RARS1: variants seen among roughly 807,000 people sequenced by gnomAD.
RARS1 encodes arginyl-tRNA synthetase 1.
In RARS1, 75 loss-of-function variants were observed where a neutral mutation model predicts 78.7. The ratio of observed to expected loss-of-function variants is 0.95; its 90% CI spans 0.79 to 1.15. The LOEUF (loss-of-function observed/expected upper bound fraction) is 1.15, where lower values mean the gene tolerates loss of function less well. Among genes scored for constraint, RARS1 ranks in the 50% most tolerant of loss-of-function variants. The pLI is 0.00. For synonymous variants in RARS1, 273 were observed against 268.2 expected (o/e 1.02, Z -0.18); for missense variants, 787 against 787.5 (o/e 1.00, Z 0.01).
intron 9 of RARS1, among the ~76,000 whole-genome samples, chr5:168,503,371 C>A (rs1758370137): frequency 6.6e-6 from 1 of 152,174 alleles, no homozygotes; most frequent in Non-Finnish European, 1.5e-5. Flanking sequence ...TCCTCAGGTA[C>A]AATTCATATA....
intron 6 of RARS1, 123 bp downstream of exon 6, chr5:168,495,559 GTTC>G (rs1758169367): frequency 2.9e-6 from 4 of 1,399,612 alleles, no homozygotes; most frequent in Admixed American, 4.7e-5. Flanking sequence ...CATCAGCTTA[GTTC>G]TTCTTTACAA....
rs1758213431 is a variant in RARS1, at chr5:168,497,225, T to C, written c.702-3T>C. On this transcript the variant is annotated splice_polypyrimidine_tract_variant and splice_region_variant and intron_variant, in intron 6 of 14. Coordinates refer to ENST00000231572, the MANE Select transcript of RARS1 (RefSeq NM_002887.4). ...TGATTATATATTCTCTGATTGGTGT[T>C]AGGTTAAATCATGTAGGAGACTGGG... The C allele has an allele frequency of 3.3e-6, 5 of 1,518,714 alleles. No homozygotes were observed. In the East Asian group the frequency reaches 1.2e-4, roughly 36 times the overall value. The allele number at this position is 1,518,714 out of a possible 1,614,324, so 94.1% of individuals were successfully genotyped here. A position where few individuals can be genotyped will look rare whatever the true frequency, so the allele number is the denominator to read the frequency against.
At chr5:168,494,121 A>G in intron 4 of RARS1, 119 bp downstream of exon 4, 1 of 1,259,776 alleles carries the variant, frequency 7.9e-7, no homozygotes, top group South Asian at 1.6e-5. Flanking sequence ...AAGATGGTGA[A>G]AGCACTGTGG....
At chr5:168,511,742 T>G (rs1006865307) in intron 12 of RARS1, among the ~76,000 whole-genome samples, 3 of 151,602 alleles carry the variant, frequency 2.0e-5, no homozygotes, top group African/African-American at 7.3e-5. Flanking sequence ...AATCAAGATA[T>G]ATTTCCATCA....
In RARS1 at chr5:168,488,611, A is replaced by G. The variant is rs1291032077; in HGVS notation, c.55A>G (p.Ile19Val). 5.6e-6 allele frequency: 9 copies of G among 1,604,974 alleles called. No homozygotes were observed. Among genetic ancestry groups the G allele is most frequent in the Non-Finnish European group, 6.8e-6 (8 of 1,177,994 alleles). Residue 19 changes from isoleucine to valine, a missense_variant, in exon 2 of 15, where the codon ATT becomes GTT. By Grantham distance (29) the Ile-to-Val change is conservative. Coordinates refer to ENST00000231572, the MANE Select transcript of RARS1 (RefSeq NM_002887.4). ...SARLLQQEEE[I>V]KSLTAEIDRL... ...GCTTTTTTTCCCACAGGAAGAAGAG[A>G]TTAAATCTCTGACTGCTGAAATTGA...
chr5:168,518,819 G>A (rs1316300856), intron 14 of RARS1, among the ~76,000 whole-genome samples: 1 of 152,146 alleles, frequency 6.6e-6, no homozygotes, highest in Non-Finnish European at 1.5e-5. Context: ...TTTTTTAAAA[G>A]AAAGGTAAAA....
chr5:168,487,819 C>CT (rs1758000734), intron 1 of RARS1, among the ~76,000 whole-genome samples: 1 of 152,154 alleles, frequency 6.6e-6, no homozygotes, highest in Admixed American at 6.5e-5. Flanking sequence ...CTGGTCTAGT[C>CT]TAGGACCTAA....
In RARS1 at chr5:168,494,279, G is replaced by A. The variant is rs1758138793; in HGVS notation, c.479-271G>A. On this transcript the variant is annotated intron_variant, in intron 4 of 14. Transcript: ENST00000231572. ...AATGGCAGATAAGTCTTCGGCACAA[G>A]GGCCTTCTGTTTTCTGTTAAGAGGC... 3.0e-6 allele frequency: 3 copies of A among 985,294 alleles called. No individual in the cohort carries two copies. In the African/African-American group the frequency reaches 5.2e-5, roughly 17 times the overall value. 61.0% of individuals were successfully genotyped at this position (985,294 alleles called of 1,614,324 possible).
intron 13 of RARS1, 132 bp downstream of exon 13, chr5:168,517,082 C>T (rs1758680827): frequency 9.8e-6 from 9 of 917,686 alleles, no homozygotes; most frequent in Admixed American, 4.9e-5. Flanking sequence ...CCTCAGCCTC[C>T]TGAGTAGCTG....
In RARS1 at chr5:168,494,653, AT is replaced by A. The variant is rs1758146913; in HGVS notation, c.579+4del. On this transcript the variant is annotated splice_donor_region_variant and intron_variant, in intron 5 of 14. Coordinates refer to ENST00000231572, the MANE Select transcript of RARS1 (RefSeq NM_002887.4). ...CTGCTCTGGGAGAGAATAAAAAGGTATATGTACACTCTTCTATTAATATATT... is the reference window on the plus strand; with the variant it reads ...CTGCTCTGGGAGAGAATAAAAAGGTAATGTACACTCTTCTATTAATATATT... The A allele has an allele frequency of 1.3e-6, 2 of 1,530,374 alleles. No individual in the cohort carries two copies. The highest frequency in any genetic ancestry group is 1.8e-6 in the Non-Finnish European group (2 of 1,104,394). 94.8% of individuals were successfully genotyped at this position (1,530,374 alleles called of 1,614,324 possible). A position where few individuals can be genotyped will look rare whatever the true frequency, so the allele number is the denominator to read the frequency against.
chr5:168,486,534 G>C lies in RARS1; in HGVS notation c.36G>C (p.Leu12=), dbSNP rs1272430190. 4.5e-6 allele frequency: 7 copies of C among 1,558,034 alleles called. No individual in the cohort carries two copies. In the Admixed American group the frequency reaches 1.4e-4, roughly 30 times the overall value. ...TGGTGTCTGAGTGCTCCGCGCGGCT[G>C]CTGCAGCAGGTTTGGACGCAGGAGA... ...DVLVSECSAR[L]LQQEEEIKSL... is the part of the protein sequence containing the mutation. Residue 12 remains leucine (L), a synonymous_variant, in exon 1 of 15, where the codon CTG becomes CTC. Coordinates refer to ENST00000231572, the MANE Select transcript of RARS1 (RefSeq NM_002887.4).
chr5:168,511,035 G>A (rs1016837684), intron 12 of RARS1, among the ~76,000 whole-genome samples: 2 of 152,052 alleles, frequency 1.3e-5, no homozygotes, highest in Non-Finnish European at 2.9e-5. Flanking sequence ...GCTCCTTCTT[G>A]GGAGCATTTG....
chr5:168,505,181 A>G (rs540034194), intron 9 of RARS1, among the ~76,000 whole-genome samples: 33 of 152,220 alleles, frequency 2.2e-4, no homozygotes, highest in South Asian at 1.5e-3. Context: ...CCAAGCCTCA[A>G]TTTTCTAAAC....
chr5:168,504,294 G>A (rs1381074337), intron 9 of RARS1, among the ~76,000 whole-genome samples: 1 of 151,978 alleles, frequency 6.6e-6, no homozygotes, highest in Non-Finnish European at 1.5e-5. Flanking sequence ...GGGAGGCCAA[G>A]GTGAGCGAAT....
At position 168,497,259 on chromosome 5, in the gene RARS1, T is replaced by G. The variant is rs1229491671; in HGVS notation, c.733T>G (p.Phe245Val). 17 of 1,586,726 alleles carry G rather than the reference T, an allele frequency of 1.1e-5. No individual in the cohort carries two copies. Among genetic ancestry groups the G allele is most frequent in the Non-Finnish European group, 1.5e-5 (17 of 1,164,792 alleles). ...TCATGTAGGAGACTGGGGGACCCAG[T>G]TTGGCATGCTCATCGCTCACCTGCA... Reference protein sequence around the residue: ...LNHVGDWGTQFGMLIAHLQDK... With the variant: ...LNHVGDWGTQVGMLIAHLQDK... Residue 245 changes from phenylalanine to valine, a missense_variant, in exon 7 of 15, where the codon TTT becomes GTT. Phe to Val is a conservative substitution (Grantham distance 50). Coordinates refer to ENST00000231572, the MANE Select transcript of RARS1 (RefSeq NM_002887.4).
chr5:168,493,576 G>A (rs985088549), intron 3 of RARS1, among the ~76,000 whole-genome samples: 3 of 147,862 alleles, frequency 2.0e-5, no homozygotes, highest in African/African-American at 7.6e-5. Flanking sequence ...GGAGGTTACA[G>A]TGAGCCGAGA....
rs561525126 is a variant in RARS1, at chr5:168,489,148, TG to T, written c.180+414del. Among the ~76,000 whole-genome samples, 740 of 152,140 alleles carry T rather than the reference TG, an allele frequency of 4.9e-3. 5 individuals carry two copies. The highest frequency in any genetic ancestry group is 0.017 in the African/African-American group (709 of 41,512). ...AGTCATCCCACCACAGCCTCCTGAG[TG>T]GCTGGGACTACAGGCGTGTGCCACC... On this transcript the variant is annotated intron_variant, in intron 2 of 14. Coordinates refer to ENST00000231572, the MANE Select transcript of RARS1 (RefSeq NM_002887.4).
rs755161358 is a variant in RARS1, at chr5:168,500,689, T to C, written c.921T>C (p.Ala307=). ...LQGKNPDITK[A]WKLICDVSRQ... ...GTAAAAACCCAGATATTACAAAAGC[T>C]TGGAAGCTTATCTGTGATGTCTCCC... The change falls in exon 8 of 15, where the codon GCT becomes GCC. Residue 307 remains alanine (A), a synonymous_variant. Transcript: ENST00000231572. The C allele has an allele frequency of 1.1e-5, 18 of 1,610,790 alleles. No individual in the cohort carries two copies. The African/African-American group carries it at 1.3e-4, about 12-fold the overall frequency.
intron 9 of RARS1, among the ~76,000 whole-genome samples, chr5:168,505,686 C>A (rs565625989): frequency 9.6e-4 from 122 of 126,454 alleles, no homozygotes; most frequent in African/African-American, 3.7e-3. Context: ...CCGGCCTGGG[C>A]AACGTAGCAA....
Sources: allele counts gnomAD v4.1 joint callset (sites outside exome capture counted in the v4.1 genomes callset), GRCh38; gene constraint gnomAD v4.1.1; transcripts MANE v1.5; gene names NCBI Gene and HGNC (gene_info 2026-07-23, HGNC 2026-07-21).